ASCC3: variants seen among roughly 807,000 people sequenced by gnomAD.
ASCC3 encodes the protein activating signal cointegrator 1 complex subunit 3, also known as ASC-1 complex subunit P200.
A neutral mutation model predicts 256.3 loss-of-function variants in ASCC3; 158 were observed. That is an observed-to-expected ratio of 0.62 (90% confidence interval 0.54 to 0.70). The LOEUF is 0.70. Among genes scored for constraint, ASCC3 ranks in the 30% least tolerant of loss-of-function variants. The probability of loss-of-function intolerance (pLI) is 0.00; values close to 1 mark genes in which losing one functional copy is unlikely to be tolerated. For missense variants in ASCC3, 2,259 were observed against 2,626.0 expected (o/e 0.86, Z 3.05); for synonymous variants, 948 against 883.4 (o/e 1.07, Z -1.30).
intron 36 of ASCC3, among the ~76,000 whole-genome samples, chr6:100,545,964 T>C (rs1050224193): frequency 1.3e-5 from 2 of 152,014 alleles, no homozygotes; most frequent in African/African-American, 4.8e-5. Flanking sequence ...GGCATCTAGA[T>C]TGGAAAGGAA....
chr6:100,526,988 C>T (rs567051068), intron 37 of ASCC3, among the ~76,000 whole-genome samples: 2 of 152,048 alleles, frequency 1.3e-5, no homozygotes, highest in South Asian at 4.2e-4. Flanking sequence ...ACTCCACAAA[C>T]AAAAAATCTC....
chr6:100,716,896 T>A (rs898924215), intron 12 of ASCC3, among the ~76,000 whole-genome samples: 2 of 152,000 alleles, frequency 1.3e-5, no homozygotes, highest in Non-Finnish European at 2.9e-5. Context: ...CATCTGCTTA[T>A]CTTTTAAATT....
chr6:100,602,756 A>G (rs943223377), intron 33 of ASCC3, among the ~76,000 whole-genome samples: 1 of 152,088 alleles, frequency 6.6e-6, no homozygotes, highest in African/African-American at 2.4e-5. Flanking sequence ...AGATGTGTTG[A>G]AAGACTGGTA....
At chr6:100,661,729 C>G in intron 16 of ASCC3, 77 bp downstream of exon 16, 2 of 1,468,098 alleles carry the variant, frequency 1.4e-6, no homozygotes, top group Non-Finnish European at 1.9e-6. Flanking sequence ...AAAACAGCAA[C>G]CAACTCAATC....
intron 4 of ASCC3, among the ~76,000 whole-genome samples, chr6:100,822,456 G>C (rs987754292): frequency 4.6e-5 from 7 of 150,746 alleles, no homozygotes; most frequent in Non-Finnish European, 8.8e-5. Flanking sequence ...AGGATGGCTT[G>C]AGCCTGGAAG....
chr6:100,545,545 T>C (rs939612181), intron 36 of ASCC3, among the ~76,000 whole-genome samples: 1 of 152,064 alleles, frequency 6.6e-6, no homozygotes. Flanking sequence ...TCCCCTAAGA[T>C]CTGGAACAAA....
chr6:100,710,883 G>C (rs1283662782), intron 13 of ASCC3, among the ~76,000 whole-genome samples: 1 of 152,060 alleles, frequency 6.6e-6, no homozygotes, highest in African/African-American at 2.4e-5. Flanking sequence ...TAAATAGTAT[G>C]ATGAAGGCTA....
chr6:100,716,737 G>A (rs781661265), intron 12 of ASCC3, among the ~76,000 whole-genome samples: 8 of 151,804 alleles, frequency 5.3e-5, no homozygotes, highest in Non-Finnish European at 5.9e-5. Context: ...TGATTATGAT[G>A]GTAACGTACT....
At chr6:100,676,882 A>G (rs191098705) in intron 14 of ASCC3, among the ~76,000 whole-genome samples, 53 of 152,290 alleles carry the variant, frequency 3.5e-4, no homozygotes, top group East Asian at 2.7e-3. Flanking sequence ...GATCTTAGTA[A>G]GTCAGGAATT....
At chr6:100,513,385 G>A (rs991092104) in intron 39 of ASCC3, among the ~76,000 whole-genome samples, 20 of 152,046 alleles carry the variant, frequency 1.3e-4, no homozygotes, top group Non-Finnish European at 2.9e-5. Context: ...GTCTGTTATC[G>A]AACTGGTTTG....
intron 14 of ASCC3, among the ~76,000 whole-genome samples, chr6:100,671,485 C>T (rs1776739275): frequency 6.6e-6 from 1 of 151,982 alleles, no homozygotes; most frequent in Admixed American, 6.6e-5. Flanking sequence ...CATGGAAATC[C>T]AGCACAAAAG....
intron 1 of ASCC3, among the ~76,000 whole-genome samples, chr6:100,872,738 C>A (rs555381792): frequency 1.3e-5 from 2 of 152,236 alleles, no homozygotes; most frequent in Admixed American, 1.3e-4. Context: ...CCCCCAGTAC[C>A]AGCCCAAAGC....
At chr6:100,561,055 T>A (rs969600415) in intron 36 of ASCC3, among the ~76,000 whole-genome samples, 1 of 151,318 alleles carries the variant, frequency 6.6e-6, no homozygotes, top group Non-Finnish European at 1.5e-5. Flanking sequence ...TTTTATAAAA[T>A]AAGACTCAGT....
intron 37 of ASCC3, among the ~76,000 whole-genome samples, chr6:100,529,983 C>T (rs557752908): frequency 2.6e-5 from 4 of 151,486 alleles, no homozygotes; most frequent in South Asian, 4.1e-4. Flanking sequence ...ATCATTAAAT[C>T]GTGATTTTTT....
intron 1 of ASCC3, among the ~76,000 whole-genome samples, chr6:100,877,737 T>A (rs916946892): frequency 3.9e-5 from 6 of 152,206 alleles, no homozygotes; most frequent in Non-Finnish European, 5.9e-5. Flanking sequence ...GAGATTCTGC[T>A]TACCATTTCA....
chr6:100,687,034 T>TCACACACACACACACA (rs71028030), intron 13 of ASCC3, among the ~76,000 whole-genome samples: 26 of 130,650 alleles, frequency 2.0e-4, no homozygotes, highest in South Asian at 8.4e-4. Context: ...TCTCTCTCTC[T>TCACACACACACACACA]CACACACACA....
At chr6:100,683,184 T>C (rs1360965731) in intron 13 of ASCC3, among the ~76,000 whole-genome samples, 1 of 152,206 alleles carries the variant, frequency 6.6e-6, no homozygotes, top group Non-Finnish European at 1.5e-5. Context: ...ATATAACTAA[T>C]AAGCCCCAAC....
At chr6:100,846,765 G>A (rs1582954337) in intron 4 of ASCC3, among the ~76,000 whole-genome samples, 2 of 152,188 alleles carry the variant, frequency 1.3e-5, no homozygotes, top group African/African-American at 4.8e-5. Context: ...CCTTCTCTAT[G>A]CATACTTTTG....
chr6:100,756,408 A>C (rs965013155), intron 10 of ASCC3, among the ~76,000 whole-genome samples: 1 of 152,102 alleles, frequency 6.6e-6, no homozygotes, highest in Non-Finnish European at 1.5e-5. Flanking sequence ...TGCGAGACTT[A>C]TGAGAAAAAA....
Sources: allele counts gnomAD v4.1 joint callset (sites outside exome capture counted in the v4.1 genomes callset), GRCh38; gene constraint gnomAD v4.1.1; transcripts MANE v1.5; gene names NCBI Gene and HGNC (gene_info 2026-07-23, HGNC 2026-07-21).